The following ATE1 variants were observed in gnomAD, a reference collection of about 807,000 sequenced individuals.
ATE1 encodes the protein arginyltransferase 1, also known as arginyl-tRNA--protein transferase 1.
In ATE1, 36 loss-of-function variants were observed where a neutral mutation model predicts 70.5. The observed-to-expected ratio is 0.51, with a 90% CI of 0.39 to 0.67. The LOEUF is 0.67. Among genes scored for constraint, ATE1 ranks in the 30% least tolerant of loss-of-function variants. The pLI is 0.00. For synonymous variants in ATE1, 232 were observed against 219.3 expected, an observed-to-expected ratio of 1.06 and a Z score of -0.51; for missense variants, 593 against 629.5, an observed-to-expected ratio of 0.94 and a Z score of 0.62.
At position 121,779,245 on chromosome 10, in the gene ATE1, G is replaced by GT. The variant is rs539346814; in HGVS notation, c.1378+10923dup. ...CTTGCTCTTTCCCTGCAATGGCCTGGTAAGTTCCCAACCCTGGAAAAGCCG... is the reference window on the plus strand; with the variant it reads ...CTTGCTCTTTCCCTGCAATGGCCTGGTTAAGTTCCCAACCCTGGAAAAGCCG... On this transcript the variant is annotated intron_variant, in intron 11 of 11. Coordinates refer to ENST00000224652, the MANE Select transcript of ATE1 (RefSeq NM_001001976.3). 4.2e-3 allele frequency among the ~76,000 whole-genome samples: 645 copies of GT among 152,180 alleles called. 2 individuals are homozygous for GT. Among genetic ancestry groups the GT allele is most frequent in the Middle Eastern group, 0.038 (11 of 292 alleles).
At chr10:121,888,671 G>T (rs956009939) in intron 7 of ATE1, among the ~76,000 whole-genome samples, 4 of 148,488 alleles carry the variant, frequency 2.7e-5, no homozygotes, top group African/African-American at 7.3e-5. Context: ...TTACCAAAAG[G>T]TATGTATAAG....
chr10:121,761,663 C>T (rs1273996526), intron 11 of ATE1, among the ~76,000 whole-genome samples: 2 of 152,130 alleles, frequency 1.3e-5, no homozygotes, highest in Non-Finnish European at 2.9e-5. Flanking sequence ...GTGCTCTAAT[C>T]TCTGAAGAGG....
intron 3 of ATE1, among the ~76,000 whole-genome samples, chr10:121,915,064 G>A (rs1413015855): frequency 6.6e-6 from 1 of 152,124 alleles, no homozygotes; most frequent in Non-Finnish European, 1.5e-5. Flanking sequence ...AGACACTCGA[G>A]AAGAGCCTCC....
At chr10:121,843,290 A>G (rs2133806530) in intron 8 of ATE1, among the ~76,000 whole-genome samples, 1 of 152,328 alleles carries the variant, frequency 6.6e-6, no homozygotes. Context: ...AAAGGAATCA[A>G]AGATCTAAAA....
At position 121,740,944 on chromosome 10, in the gene ATE1, C is replaced by T. The variant is rs1224311456; in HGVS notation, c.*2736G>A. ...GCTCAGATTACATTTAAAAAAATAA[C>T]AAAAATCTCTTAGAATGGAAATAAT... On this transcript the variant is annotated 3_prime_UTR_variant, in exon 12 of 12. Coordinates refer to ENST00000224652, the MANE Select transcript of ATE1 (RefSeq NM_001001976.3). 1.3e-5 allele frequency: 2 copies of T among 151,952 alleles called. No homozygotes were observed. The highest frequency in any genetic ancestry group is 2.4e-5 in the African/African-American group (1 of 41,364). 9.4% of individuals were successfully genotyped at this position (151,952 alleles called of 1,614,324 possible).
chr10:121,808,011 C>T (rs534791415), intron 10 of ATE1, among the ~76,000 whole-genome samples: 1 of 152,012 alleles, frequency 6.6e-6, no homozygotes, highest in South Asian at 2.1e-4. Context: ...AATGTAATTG[C>T]CAGAGGGAGA....
At position 121,870,022 on chromosome 10, in the gene ATE1, C is replaced by T. The variant is rs754383325; in HGVS notation, c.959G>A (p.Cys320Tyr). Residue 320 changes from cysteine (C) to tyrosine (Y), a missense_variant, in exon 8 of 12, where the codon TGC becomes TAC. Transcript: ENST00000224652. ...AACTCTTACCTCCAAGGGTGAACTGCAAAGGAATCTTGTGAACTGCAGTCA... is the reference window on the plus strand; with the variant it reads ...AACTCTTACCTCCAAGGGTGAACTGTAAAGGAATCTTGTGAACTGCAGTCA... ...PTESQFTRFL[C>Y]SSPLEAETPP... is the part of the protein sequence containing the mutation. The T allele has an allele frequency of 6.2e-7, 1 of 1,610,896 alleles. No homozygotes were observed. Among genetic ancestry groups the T allele is most frequent in the Admixed American group, 1.7e-5 (1 of 60,014 alleles).
At chr10:121,890,983 G>T (rs1401813762) in intron 7 of ATE1, among the ~76,000 whole-genome samples, 1 of 152,244 alleles carries the variant, frequency 6.6e-6, no homozygotes, top group African/African-American at 2.4e-5. Flanking sequence ...CTTTTCTAAA[G>T]ATGTTGAAAC....
chr10:121,810,406 G>A (rs2133460391), intron 10 of ATE1, among the ~76,000 whole-genome samples: 1 of 152,170 alleles, frequency 6.6e-6, no homozygotes, highest in African/African-American at 2.4e-5. Flanking sequence ...AAGTAGCTGG[G>A]ACTACAGGTG....
At chr10:121,886,875 T>A (rs1358850020) in intron 7 of ATE1, among the ~76,000 whole-genome samples, 1 of 152,180 alleles carries the variant, frequency 6.6e-6, no homozygotes, top group South Asian at 2.1e-4. Flanking sequence ...CTTTGCCTAA[T>A]TGGAGAATGT....
At chr10:121,790,068 T>C (rs1946373551) in intron 11 of ATE1, 101 bp downstream of exon 11, 8 of 1,496,622 alleles carry the variant, frequency 5.3e-6, no homozygotes, top group Admixed American at 1.9e-5. Flanking sequence ...TACTCTATAA[T>C]ATACAAAGCT....
intron 7 of ATE1, among the ~76,000 whole-genome samples, chr10:121,886,519 A>C (rs1394849021): frequency 6.6e-6 from 1 of 152,172 alleles, no homozygotes; most frequent in Non-Finnish European, 1.5e-5. Context: ...GTGAGTGTCC[A>C]ACCTGCGCCC....
At chr10:121,901,369 A>G (rs548090233) in intron 6 of ATE1, among the ~76,000 whole-genome samples, 2 of 152,340 alleles carry the variant, frequency 1.3e-5, no homozygotes, top group Admixed American at 6.5e-5. Flanking sequence ...GTGATAAGTG[A>G]TATTTTTAGA....
chr10:121,784,849 A>G (rs547565047), intron 11 of ATE1, among the ~76,000 whole-genome samples: 16 of 152,198 alleles, frequency 1.1e-4, no homozygotes, highest in African/African-American at 2.6e-4. Flanking sequence ...ACAGAGCAAG[A>G]CTCCATCACA....
At position 121,743,875 on chromosome 10, in the gene ATE1, T is replaced by C; in HGVS notation, c.1379-17A>G. On this transcript the variant is annotated splice_polypyrimidine_tract_variant and intron_variant, in intron 11 of 11. Coordinates refer to ENST00000224652, the MANE Select transcript of ATE1 (RefSeq NM_001001976.3). ...CCTCATCCACTGCAACGACAAAAAA[T>C]ACTGATTTGTAAAATGTCACATATC... is the stretch of plus-strand genomic sequence containing the variant. 2 of 1,565,172 alleles carry C rather than the reference T, an allele frequency of 1.3e-6. No homozygotes were observed. Among genetic ancestry groups the C allele is most frequent in the Non-Finnish European group, 1.7e-6 (2 of 1,159,978 alleles).
At position 121,898,835 on chromosome 10, in the gene ATE1, C is replaced by T. The variant is rs764723310; in HGVS notation, c.942+1031G>A. 8 of 1,613,170 alleles carry T rather than the reference C, an allele frequency of 5.0e-6. No homozygotes were observed. In the South Asian group the frequency reaches 7.7e-5, roughly 16 times the overall value. The stretch of plus-strand genomic sequence containing the variant: ...TATCAACACAGAAAACAACAGTTAA[C>T]AATACCTCAGTCTTCCCACATTCAT... On this transcript the variant is annotated intron_variant, in intron 7 of 11. Coordinates refer to ENST00000224652, the MANE Select transcript of ATE1 (RefSeq NM_001001976.3).
At chr10:121,911,460 A>G (rs557201162) in intron 4 of ATE1, among the ~76,000 whole-genome samples, 2 of 149,188 alleles carry the variant, frequency 1.3e-5, no homozygotes, top group African/African-American at 2.4e-5. Context: ...AAAAAAAAAA[A>G]CAAAAACTGT....
intron 8 of ATE1, among the ~76,000 whole-genome samples, chr10:121,852,399 C>T (rs1397831180): frequency 1.3e-5 from 2 of 149,236 alleles, no homozygotes; most frequent in Non-Finnish European, 3.0e-5. Context: ...AACTGTTTTG[C>T]TTTTTTATTT....
intron 3 of ATE1, among the ~76,000 whole-genome samples, chr10:121,918,109 C>A (rs1019360882): frequency 6.6e-6 from 1 of 152,090 alleles, no homozygotes; most frequent in Non-Finnish European, 1.5e-5. Context: ...CCAAGGCAGG[C>A]GGATCATGAG....
Sources: gnomAD v4.1 joint callset for allele counts (sites outside exome capture counted in the v4.1 genomes callset) on GRCh38, gnomAD v4.1.1 for gene constraint, MANE v1.5 for transcripts, NCBI Gene and HGNC (gene_info 2026-07-23, HGNC 2026-07-21) for gene names.